DAB1: variants seen among roughly 807,000 people sequenced by gnomAD.
The protein encoded by DAB1 is DAB adaptor protein 1.
DAB1 carries 15 observed loss-of-function variants against 64.6 expected under a neutral mutation model. The ratio of observed to expected loss-of-function variants is 0.23; its 90% CI spans 0.16 to 0.36. The LOEUF is 0.36. Among genes scored for constraint, DAB1 ranks in the 10% least tolerant of loss-of-function variants. The pLI is 1.00. For missense variants in DAB1, 596 were observed against 706.7 expected (o/e 0.84, Z 1.78); for synonymous variants, 235 against 251.9 (o/e 0.93, Z 0.64).
At chr1:57,029,646 A>T (rs1431369517) in intron 9 of DAB1, among the ~76,000 whole-genome samples, 1 of 152,218 alleles carries the variant, frequency 6.6e-6, no homozygotes, top group East Asian at 1.9e-4. Flanking sequence ...TACCTCTTGC[A>T]TCAGCGTGAC....
At chr1:57,620,986 G>A (rs866210308) in intron 7 of DAB1, among the ~76,000 whole-genome samples, 3 of 152,016 alleles carry the variant, frequency 2.0e-5, no homozygotes, top group African/African-American at 7.2e-5. Flanking sequence ...TTGGTCACAA[G>A]GGGTGTGTGT....
At chr1:58,303,587 C>T (rs1662223742) in intron 4 of DAB1, among the ~76,000 whole-genome samples, 1 of 152,144 alleles carries the variant, frequency 6.6e-6, no homozygotes, top group South Asian at 2.1e-4. Flanking sequence ...TGATATGACA[C>T]CCATACAAGA....
intron 5 of DAB1, among the ~76,000 whole-genome samples, chr1:58,069,583 G>C (rs1649104888): frequency 6.6e-6 from 1 of 152,144 alleles, no homozygotes; most frequent in Non-Finnish European, 1.5e-5. Flanking sequence ...AGTTCACCCA[G>C]ACAGCGAGTA....
chr1:58,530,096 T>A (rs971374912), intron 1 of DAB1, among the ~76,000 whole-genome samples: 3 of 152,170 alleles, frequency 2.0e-5, no homozygotes, highest in African/African-American at 4.8e-5. Context: ...TTAGCCAGGA[T>A]GGTCTCAATC....
chr1:57,069,888 A>C (rs890764488), intron 7 of DAB1, among the ~76,000 whole-genome samples: 1 of 152,206 alleles, frequency 6.6e-6, no homozygotes, highest in African/African-American at 2.4e-5. Flanking sequence ...CCTTTATCCC[A>C]TAAATATCAC....
chr1:58,388,912 T>G (rs1644454852), intron 3 of DAB1, among the ~76,000 whole-genome samples: 1 of 152,190 alleles, frequency 6.6e-6, no homozygotes, highest in South Asian at 2.1e-4. Context: ...TGTGTAATCT[T>G]AAATAGGATC....
intron 4 of DAB1, among the ~76,000 whole-genome samples, chr1:58,173,394 C>A (rs1273975135): frequency 6.6e-6 from 1 of 152,160 alleles, no homozygotes; most frequent in African/African-American, 2.4e-5. Flanking sequence ...TCATCTCTTC[C>A]CTGCTTAACA....
At chr1:57,484,986 T>G (rs114844207) in intron 7 of DAB1, among the ~76,000 whole-genome samples, 1,814 of 152,270 alleles carry the variant, frequency 0.012, 29 homozygotes, top group Middle Eastern at 0.045. Context: ...AGGTATCAAG[T>G]CCTGGCACTG....
chr1:58,238,777 T>C (rs768287225), intron 4 of DAB1, among the ~76,000 whole-genome samples: 1 of 152,154 alleles, frequency 6.6e-6, no homozygotes, highest in South Asian at 2.1e-4. Flanking sequence ...TGTATGGCTA[T>C]AGCAGACATG....
chr1:57,178,534 C>T (rs930668639), intron 2 of DAB1, among the ~76,000 whole-genome samples: 10 of 151,908 alleles, frequency 6.6e-5, no homozygotes, highest in African/African-American at 1.2e-4. Context: ...ATCTGATTAA[C>T]GAAACTATTC....
At chr1:57,959,625 T>A (rs984617197) in intron 5 of DAB1, among the ~76,000 whole-genome samples, 23 of 152,192 alleles carry the variant, frequency 1.5e-4, no homozygotes, top group African/African-American at 4.1e-4. Flanking sequence ...TTTACTTTTT[T>A]AAATTATCTT....
intron 4 of DAB1, among the ~76,000 whole-genome samples, chr1:57,078,897 C>T (rs757251417): frequency 3.9e-5 from 6 of 152,080 alleles, no homozygotes; most frequent in Non-Finnish European, 5.9e-5. Flanking sequence ...CCCTGCAGTG[C>T]TGTTAGGATG....
intron 5 of DAB1, among the ~76,000 whole-genome samples, chr1:58,089,417 G>T (rs1320563398): frequency 6.6e-6 from 1 of 152,194 alleles, no homozygotes; most frequent in Non-Finnish European, 1.5e-5. Context: ...TTATAGTCTT[G>T]AACAAAGATT....
chr1:57,114,245 C>T (rs1326471050), intron 4 of DAB1, among the ~76,000 whole-genome samples: 3 of 112,352 alleles, frequency 2.7e-5, no homozygotes, highest in African/African-American at 5.9e-5. Flanking sequence ...GAACAAACGC[C>T]GTTTATGAAT....
intron 6 of DAB1, among the ~76,000 whole-genome samples, chr1:57,671,801 C>CT (rs780942240): frequency 7.9e-5 from 12 of 152,174 alleles, no homozygotes; most frequent in Non-Finnish European, 1.6e-4. Context: ...ACCTCATACT[C>CT]TAAGTCAGTA....
At chr1:57,042,385 A>ATTTTT (rs1647901141) in intron 9 of DAB1, among the ~76,000 whole-genome samples, 1 of 152,152 alleles carries the variant, frequency 6.6e-6, no homozygotes, top group African/African-American at 2.4e-5. Context: ...TCTGATCATG[A>ATTTTT]TTTCTACTTT....
intron 3 of DAB1, among the ~76,000 whole-genome samples, chr1:58,415,705 G>A (rs571952821): frequency 4.6e-5 from 7 of 152,266 alleles, no homozygotes; most frequent in South Asian, 2.1e-4. Flanking sequence ...AGTGTCAACC[G>A]TGTGTCAGGC....
At chr1:57,389,611 G>C (rs1385637810) in intron 1 of DAB1, among the ~76,000 whole-genome samples, 1 of 152,092 alleles carries the variant, frequency 6.6e-6, no homozygotes, top group African/African-American at 2.4e-5. Context: ...CTCAACAAAA[G>C]AAATGAAGGA....
At chr1:57,110,091 TAAGTA>T (rs1655519007) in intron 4 of DAB1, among the ~76,000 whole-genome samples, 1 of 152,288 alleles carries the variant, frequency 6.6e-6, no homozygotes, top group East Asian at 1.9e-4. Context: ...TAATGGGCTA[TAAGTA>T]AAGTGGCCAC....
Sources: gnomAD v4.1 joint callset for allele counts (sites outside exome capture counted in the v4.1 genomes callset) on GRCh38, gnomAD v4.1.1 for gene constraint, MANE v1.5 for transcripts, NCBI Gene and HGNC (gene_info 2026-07-23, HGNC 2026-07-21) for gene names.